The following TMEM132D variants were observed in gnomAD, a reference collection of about 807,000 sequenced individuals.
The protein encoded by TMEM132D is mature OL transmembrane protein.
TMEM132D carries 21 observed loss-of-function variants against 62.3 expected under a neutral mutation model. The observed-to-expected ratio is 0.34, with a 90% CI of 0.24 to 0.49. The LOEUF is 0.49. Ranked by LOEUF, TMEM132D falls within the 20% of genes least tolerant of loss-of-function variation. The probability of loss-of-function intolerance (pLI) is 0.99; values close to 1 mark genes in which losing one functional copy is unlikely to be tolerated. For missense variants in TMEM132D, 1,346 were observed against 1,402.8 expected, an observed-to-expected ratio of 0.96 and a Z score of 0.65; for synonymous variants, 621 against 575.6, an observed-to-expected ratio of 1.08 and a Z score of -1.13.
chr12:129,214,241 T>A (rs1024942605), intron 4 of TMEM132D, among the ~76,000 whole-genome samples: 2 of 151,102 alleles, frequency 1.3e-5, no homozygotes, highest in Admixed American at 1.3e-4. Flanking sequence ...AGTGGTCTGA[T>A]GGATTGGAAC....
At chr12:129,502,615 AG>A (rs1331823615) in intron 3 of TMEM132D, among the ~76,000 whole-genome samples, 1 of 152,020 alleles carries the variant, frequency 6.6e-6, no homozygotes, top group African/African-American at 2.4e-5. Context: ...TACCCTTTTC[AG>A]GCAGAGAGCA....
chr12:129,295,404 C>A (rs912337161), intron 4 of TMEM132D, among the ~76,000 whole-genome samples: 2 of 151,794 alleles, frequency 1.3e-5, no homozygotes. Context: ...TTTGGACTTC[C>A]CTGCCTCTGA....
intron 3 of TMEM132D, among the ~76,000 whole-genome samples, chr12:129,473,324 GTTTTTTTTT>G (rs751523415): frequency 1.2e-5 from 1 of 81,556 alleles, no homozygotes; most frequent in Non-Finnish European, 2.2e-5. Context: ...TTTAGTTTTT[GTTTTTTTTT>G]TTTTTTTTTT....
chr12:129,675,576 G>A (rs1039441759), intron 2 of TMEM132D, among the ~76,000 whole-genome samples: 1 of 152,160 alleles, frequency 6.6e-6, no homozygotes, highest in African/African-American at 2.4e-5. Context: ...GTTACAAAAG[G>A]AATCTGGAAT....
intron 1 of TMEM132D, among the ~76,000 whole-genome samples, chr12:129,797,935 C>A (rs182468537): frequency 2.6e-5 from 4 of 152,122 alleles, no homozygotes; most frequent in Admixed American, 2.0e-4. Context: ...TGGGAACTGG[C>A]GGAAGGGGAC....
At chr12:129,341,998 G>A (rs1869505501) in intron 3 of TMEM132D, among the ~76,000 whole-genome samples, 2 of 152,134 alleles carry the variant, frequency 1.3e-5, no homozygotes, top group South Asian at 4.2e-4. Flanking sequence ...TGGCCATACT[G>A]CCCAAGGTCA....
intron 4 of TMEM132D, among the ~76,000 whole-genome samples, chr12:129,306,650 G>A (rs1287019126): frequency 2.0e-5 from 3 of 152,156 alleles, no homozygotes; most frequent in Non-Finnish European, 2.9e-5. Flanking sequence ...ATTATTTATG[G>A]TTCTGAGTGG....
At chr12:129,830,234 C>T (rs950271343) in intron 1 of TMEM132D, among the ~76,000 whole-genome samples, 1 of 152,096 alleles carries the variant, frequency 6.6e-6, no homozygotes, top group African/African-American at 2.4e-5. Context: ...TCCATCAATA[C>T]ATACACAGCC....
intron 3 of TMEM132D, among the ~76,000 whole-genome samples, chr12:129,404,135 T>A (rs571730248): frequency 9.9e-5 from 15 of 152,024 alleles, no homozygotes; most frequent in African/African-American, 3.4e-4. Context: ...AAAAAGAAAA[T>A]TAGTAGGGAA....
chr12:129,146,377 A>G (rs1397565294), intron 5 of TMEM132D, among the ~76,000 whole-genome samples: 2 of 152,152 alleles, frequency 1.3e-5, no homozygotes, highest in Admixed American at 6.5e-5. Context: ...TCTCTTTCCC[A>G]AATTGTCACT....
intron 5 of TMEM132D, among the ~76,000 whole-genome samples, chr12:129,208,362 T>C (rs1878919185): frequency 6.6e-6 from 1 of 152,120 alleles, no homozygotes; most frequent in South Asian, 2.1e-4. Context: ...TGAAGAAGAT[T>C]CTGGAATGAG....
intron 3 of TMEM132D, among the ~76,000 whole-genome samples, chr12:129,474,463 T>C (rs1874200561): frequency 6.6e-6 from 1 of 152,160 alleles, no homozygotes; most frequent in Non-Finnish European, 1.5e-5. Flanking sequence ...AGACCACAAG[T>C]AGGATCACTG....
At chr12:129,089,816 C>A (rs1874847109) in intron 5 of TMEM132D, among the ~76,000 whole-genome samples, 1 of 152,230 alleles carries the variant, frequency 6.6e-6, no homozygotes, top group African/African-American at 2.4e-5. Flanking sequence ...AACTTTTCAC[C>A]AGGACACAGG....
At chr12:129,192,346 G>C (rs749025489) in intron 5 of TMEM132D, among the ~76,000 whole-genome samples, 4 of 152,162 alleles carry the variant, frequency 2.6e-5, no homozygotes, top group Non-Finnish European at 5.9e-5. Flanking sequence ...ATCATCACTA[G>C]TTTTACTTAG....
chr12:129,522,183 C>A (rs1408570320), intron 3 of TMEM132D, among the ~76,000 whole-genome samples: 1 of 152,162 alleles, frequency 6.6e-6, no homozygotes. Context: ...TGACACACAT[C>A]ATGGCAGGTG....
intron 4 of TMEM132D, among the ~76,000 whole-genome samples, chr12:129,268,691 C>T (rs541810703): frequency 1.3e-3 from 197 of 152,240 alleles, no homozygotes; most frequent in African/African-American, 3.9e-3. Flanking sequence ...GGATTATAAA[C>T]CATGCCTCTA....
chr12:129,872,564 C>T (rs971106753), intron 1 of TMEM132D, among the ~76,000 whole-genome samples: 3 of 152,186 alleles, frequency 2.0e-5, no homozygotes, highest in African/African-American at 7.2e-5. Flanking sequence ...CTTGCTCCCA[C>T]CAAGGGAGAA....
chr12:129,174,393 G>T (rs1877838988), intron 5 of TMEM132D, among the ~76,000 whole-genome samples: 1 of 152,112 alleles, frequency 6.6e-6, no homozygotes, highest in Admixed American at 6.6e-5. Context: ...CTATGTCCCT[G>T]CAAAGGACAT....
At chr12:129,409,353 C>A (rs549533789) in intron 3 of TMEM132D, among the ~76,000 whole-genome samples, 1 of 152,188 alleles carries the variant, frequency 6.6e-6, no homozygotes, top group East Asian at 1.9e-4. Context: ...GTGTGTCGGA[C>A]ACTCACACAA....
Sources: gnomAD v4.1 joint callset for allele counts (sites outside exome capture counted in the v4.1 genomes callset) on GRCh38, gnomAD v4.1.1 for gene constraint, MANE v1.5 for transcripts, NCBI Gene and HGNC (gene_info 2026-07-23, HGNC 2026-07-21) for gene names.